MID1: variants seen among roughly 807,000 people sequenced by gnomAD.
MID1 encodes E3 ubiquitin-protein ligase Midline-1.
A neutral mutation model predicts 40.4 loss-of-function variants in MID1; 7 were observed. The observed-to-expected ratio is 0.17, with a 90% CI of 0.10 to 0.33. The LOEUF (loss-of-function observed/expected upper bound fraction) is 0.33, where lower values mean the gene tolerates loss of function less well. MID1 is among the 10% of genes least tolerant of loss of function. MID1 has a pLI of 1.00. For synonymous variants in MID1, 229 were observed against 221.2 expected, an observed-to-expected ratio of 1.04 and a Z score of -0.31; for missense variants, 367 against 558.5, an observed-to-expected ratio of 0.66 and a Z score of 3.46.
intron 2 of MID1, among the ~76,000 whole-genome samples, chrX:10,558,666 G>A (rs1393075584): frequency 2.7e-5 from 3 of 112,882 alleles, no homozygotes; most frequent in Non-Finnish European, 5.6e-5. Flanking sequence ...TCTAACAGTC[G>A]TTCTGACATG....
chrX:10,745,523 C>T (rs2043551560), intron 1 of MID1, among the ~76,000 whole-genome samples: 1 of 112,444 alleles, frequency 8.9e-6, no homozygotes, highest in Non-Finnish European at 1.9e-5. Context: ...CAAATGGCCT[C>T]ATTCTTAGCT....
rs1465002214 is a variant in MID1, at chrX:10,817,566, TTCTTTCTC to T, written c.-187+15980_-187+15987del. ...TTTCTTTCTTTCTTTCTTTCTTTCTTTCTTTCTCTCTTTCTTTCTTTCTCTCTCTCTTT... is the reference window on the plus strand; with the variant it reads ...TTTCTTTCTTTCTTTCTTTCTTTCTTTCTTTCTTTCTTTCTCTCTCTCTTT... On this transcript the variant is annotated intron_variant, in intron 1 of 10. Transcript: ENST00000380785. Among the ~76,000 whole-genome samples, 151 of 92,614 alleles carry T rather than the reference TTCTTTCTC, an allele frequency of 1.6e-3. 4 individuals are homozygous for T. Among genetic ancestry groups the T allele is most frequent in the African/African-American group, 5.8e-3 (135 of 23,270 alleles). 80.4% of individuals were successfully genotyped at this position (92,614 alleles called of 115,157 possible).
In MID1 at chrX:10,510,830, C is replaced by CAAAAAAAA. The variant is rs1185825614; in HGVS notation, c.756+12254_756+12261dup. ...CTGGCAACAGAGCAAGACTCTGTCT[C>CAAAAAAAA]AAAAAAAAAAAAAAAAAAAAAAAAG... On this transcript the variant is annotated intron_variant, in intron 3 of 9. Transcript: ENST00000317552. Among the ~76,000 whole-genome samples, 51 of 23,935 alleles carry CAAAAAAAA rather than the reference C, an allele frequency of 2.1e-3. 1 individual carries two copies. The highest frequency in any genetic ancestry group is 6.5e-3 in the African/African-American group (42 of 6,470). 20.8% of individuals were successfully genotyped at this position (23,935 alleles called of 115,157 possible). A position where few individuals can be genotyped will look rare whatever the true frequency, so the allele number is the denominator to read the frequency against.
intron 1 of MID1, among the ~76,000 whole-genome samples, chrX:10,832,040 G>A (rs139262037): frequency 0.016 from 1,758 of 112,481 alleles, 42 homozygotes; most frequent in African/African-American, 0.054. Context: ...GCAACAGAAT[G>A]TCAAGACTCA....
At chrX:10,706,233 C>T (rs1204548415) in intron 1 of MID1, among the ~76,000 whole-genome samples, 4 of 111,247 alleles carry the variant, frequency 3.6e-5, no homozygotes, top group African/African-American at 1.3e-4. Context: ...CAATATTAAA[C>T]ATTAAGAGGT....
At chrX:10,629,999 C>A (rs979617934) in intron 1 of MID1, among the ~76,000 whole-genome samples, 1 of 111,898 alleles carries the variant, frequency 8.9e-6, no homozygotes, top group African/African-American at 3.3e-5. Flanking sequence ...AGATGGTATA[C>A]CTTCTTTATG....
intron 1 of MID1, among the ~76,000 whole-genome samples, chrX:10,705,840 G>C (rs949129272): frequency 8.9e-6 from 1 of 112,197 alleles, no homozygotes; most frequent in East Asian, 2.8e-4. Context: ...GCTAATTCGG[G>C]GGGGCTCAGT....
rs138955008 is a variant in MID1, at chrX:10,543,402, T to C, written c.661-20215A>G. On this transcript the variant is annotated intron_variant, in intron 2 of 9. Coordinates refer to ENST00000317552, the MANE Select transcript of MID1 (RefSeq NM_000381.4). Reference sequence around the variant, plus strand: ...AATGAGAATAGCAGCAGTTTAGTAGTAGCAGCAGCTGTAGTAGTAGCAGTA... The same window carrying C: ...AATGAGAATAGCAGCAGTTTAGTAGCAGCAGCAGCTGTAGTAGTAGCAGTA... Among the ~76,000 whole-genome samples, 480 of 112,184 alleles carry C rather than the reference T, an allele frequency of 4.3e-3. 17 individuals carry two copies. In the East Asian group the frequency reaches 0.11, roughly 25 times the overall value.
intron 1 of MID1, among the ~76,000 whole-genome samples, chrX:10,609,715 C>CTTTTTTTTTTTTTTTTTTTTTT (rs138559299): frequency 1.2e-5 from 1 of 86,410 alleles, no homozygotes; most frequent in Non-Finnish European, 2.2e-5. Context: ...TTCTTTCTTT[C>CTTTTTTTTTTTTTTTTTTTTTT]TTTTTTTTTT....
At chrX:10,565,686 C>T (rs1934500896) in intron 2 of MID1, among the ~76,000 whole-genome samples, 1 of 111,763 alleles carries the variant, frequency 8.9e-6, no homozygotes, top group East Asian at 2.8e-4. Flanking sequence ...TAGTATCTCA[C>T]TCAAACTCTC....
chrX:10,769,112 C>A (rs886506280), intron 1 of MID1, among the ~76,000 whole-genome samples: 1 of 111,510 alleles, frequency 9.0e-6, no homozygotes, highest in African/African-American at 3.3e-5. Flanking sequence ...TTAAAAGAGG[C>A]ATATTACTTT....
intron 7 of MID1, 28 bp from the exon 8 acceptor site, chrX:10,459,835 T>G (rs974428222): frequency 8.4e-7 from 1 of 1,189,284 alleles, no homozygotes; most frequent in Non-Finnish European, 1.1e-6. Context: ...CATGGTGCAG[T>G]TCTTTGGCAC....
At chrX:10,484,558 T>C (rs1930516534) in intron 4 of MID1, among the ~76,000 whole-genome samples, 1 of 112,316 alleles carries the variant, frequency 8.9e-6, no homozygotes, top group South Asian at 3.7e-4. Flanking sequence ...AATATCGGAA[T>C]GTTCTACAGA....
intron 1 of MID1, among the ~76,000 whole-genome samples, chrX:10,592,189 TA>T (rs34288785): frequency 2.0e-5 from 2 of 97,974 alleles, no homozygotes; most frequent in Non-Finnish European, 4.0e-5. Flanking sequence ...GTGTGTCCAT[TA>T]AAAAAAGTTC....
chrX:10,821,791 T>G (rs992062341), intron 1 of MID1, among the ~76,000 whole-genome samples: 7 of 111,988 alleles, frequency 6.3e-5, no homozygotes, highest in Non-Finnish European at 1.1e-4. Context: ...TTCTCACCCT[T>G]TCTTTTGTTT....
chrX:10,584,707 A>G (rs1935097875), intron 1 of MID1, among the ~76,000 whole-genome samples: 1 of 112,588 alleles, frequency 8.9e-6, no homozygotes, highest in South Asian at 3.7e-4. Flanking sequence ...GGCTAGGTAA[A>G]ATTGCAATAG....
chrX:10,654,582 T>C (rs2042857191), intron 1 of MID1, among the ~76,000 whole-genome samples: 1 of 111,876 alleles, frequency 8.9e-6, no homozygotes, highest in African/African-American at 3.3e-5. Context: ...ATGCCGCCGC[T>C]GATCTGACAA....
chrX:10,531,204 G>C (rs1932959846), intron 2 of MID1, among the ~76,000 whole-genome samples: 1 of 111,573 alleles, frequency 9.0e-6, no homozygotes, highest in Non-Finnish European at 1.9e-5. Context: ...AATCACAATA[G>C]TTAATATGAA....
At chrX:10,596,065 C>T (rs1027980960) in intron 1 of MID1, among the ~76,000 whole-genome samples, 5 of 111,672 alleles carry the variant, frequency 4.5e-5, no homozygotes, top group African/African-American at 1.3e-4. Flanking sequence ...AAAACGTGGA[C>T]GCTGTAGATT....
Sources: gnomAD v4.1 joint callset for allele counts (sites outside exome capture counted in the v4.1 genomes callset) on GRCh38, gnomAD v4.1.1 for gene constraint, MANE v1.5 for transcripts, NCBI Gene and HGNC (gene_info 2026-07-23, HGNC 2026-07-21) for gene names.